Variants in F11 observed in about 807,000 individuals in gnomAD.
F11 encodes coagulation factor XI.
F11 carries 78 observed loss-of-function variants against 76.5 expected under a neutral mutation model. The ratio of observed to expected loss-of-function variants is 1.02; its 90% confidence interval spans 0.85 to 1.23. The LOEUF (loss-of-function observed/expected upper bound fraction) is 1.23. Ranked by LOEUF, F11 falls within the 50% of genes most tolerant of loss-of-function variation. The pLI, the probability that F11 is intolerant of heterozygous loss-of-function variation, is 0.00. For missense variants in F11, 742 were observed against 771.4 expected (o/e 0.96, Z 0.45); for synonymous variants, 278 against 276.3 (o/e 1.01, Z -0.06).
At position 186,289,019 on chromosome 4, in the gene F11, C is replaced by CTTTTTTAGTG; in HGVS notation, c.*405_*406insTTTTTTAGTG. On this transcript the variant is annotated 3_prime_UTR_variant, in exon 15 of 15. Transcript: ENST00000403665. ...AGATGAAAACTGGAAGAAAGGAGAA[C>CTTTTTTAGTG]AAAGACAGTCTTCACCATTTTGCAG... The CTTTTTTAGTG allele has an allele frequency of 3.8e-6, 1 of 265,718 alleles. No homozygotes were observed. Among genetic ancestry groups the CTTTTTTAGTG allele is most frequent in the South Asian group, 4.5e-5 (1 of 22,250 alleles). 16.5% of individuals were successfully genotyped at this position (265,718 alleles called of 1,614,324 possible). A position where few individuals can be genotyped will look rare whatever the true frequency, so the allele number is the denominator to read the frequency against.
At chr4:186,284,573 C>T (rs574428697) in intron 11 of F11, among the ~76,000 whole-genome samples, 10 of 152,082 alleles carry the variant, frequency 6.6e-5, no homozygotes, top group African/African-American at 1.2e-4. Context: ...GCACTGTGCC[C>T]GGAACTAAAC....
intron 1 of F11, among the ~76,000 whole-genome samples, chr4:186,266,837 A>G (rs1739535366): frequency 6.6e-6 from 1 of 152,158 alleles, no homozygotes; most frequent in Non-Finnish European, 1.5e-5. Flanking sequence ...GGTGGCCATG[A>G]GAAGGATCTG....
chr4:186,286,948 T>C (rs1029468161), intron 13 of F11, among the ~76,000 whole-genome samples: 5 of 152,294 alleles, frequency 3.3e-5, no homozygotes, highest in Non-Finnish European at 7.3e-5. Context: ...ATTTTTTCCT[T>C]CTAGATTTTT....
In F11 at chr4:186,274,244, G is replaced by A. The variant is rs199541645; in HGVS notation, c.454G>A (p.Ala152Thr). 6.6e-5 allele frequency: 107 copies of A among 1,614,200 alleles called. No homozygotes were observed. Among genetic ancestry groups the A allele is most frequent in the Admixed American group, 6.0e-4 (36 of 60,026 alleles). ...DDVHCHFFTY[A>T]TRQFPSLEHR... is the part of the protein sequence containing the mutation. ...CGTCCACTGCCACTTTTTCACGTACGCCACAAGGCAGTTTCCCAGCCTGGA... is the reference window on the plus strand; with the variant it reads ...CGTCCACTGCCACTTTTTCACGTACACCACAAGGCAGTTTCCCAGCCTGGA... Residue 152 changes from alanine (A) to threonine (T), a missense_variant, in exon 5 of 15, where the codon GCC becomes ACC. Physicochemically the swap from Ala to Thr is moderately conservative, Grantham distance 58. Coordinates refer to ENST00000403665, the MANE Select transcript of F11 (RefSeq NM_000128.4).
Sources: gnomAD v4.1 joint callset for allele counts (sites outside exome capture counted in the v4.1 genomes callset) on GRCh38, gnomAD v4.1.1 for gene constraint, MANE v1.5 for transcripts, NCBI Gene and HGNC (gene_info 2026-07-23, HGNC 2026-07-21) for gene names.